GCSAML: variants seen among roughly 807,000 people sequenced by gnomAD.
GCSAML encodes germinal center associated signaling and motility like.
A neutral mutation model predicts 13.0 loss-of-function variants in GCSAML; 9 were observed. The observed-to-expected ratio is 0.69, with a 90% CI of 0.42 to 1.21. GCSAML has a LOEUF of 1.21. GCSAML is among the 50% of genes most tolerant of loss of function. The probability of loss-of-function intolerance (pLI) is 0.00; values close to 1 mark genes in which losing one functional copy is unlikely to be tolerated. For missense variants in GCSAML, 143 were observed against 153.4 expected (o/e 0.93, Z 0.36); for synonymous variants, 37 against 52.9 (o/e 0.70, Z 1.31).
intron 2 of GCSAML, among the ~76,000 whole-genome samples, chr1:247,560,852 T>C (rs941204191): frequency 1.3e-5 from 2 of 152,238 alleles, no homozygotes; most frequent in African/African-American, 4.8e-5. Context: ...TTCCATGCCA[T>C]TTGTTTTTTC....
chr1:247,549,925 C>A (rs1667708736), intron 1 of GCSAML, among the ~76,000 whole-genome samples: 1 of 152,182 alleles, frequency 6.6e-6, no homozygotes, highest in Non-Finnish European at 1.5e-5. Flanking sequence ...TCTCCCAGTC[C>A]CCTTCCAGAC....
chr1:247,558,814 GC>G (rs1262395797), intron 2 of GCSAML, among the ~76,000 whole-genome samples: 1 of 151,968 alleles, frequency 6.6e-6, no homozygotes, highest in Non-Finnish European at 1.5e-5. Flanking sequence ...CTAATATTTT[GC>G]AACTTTTAAT....
intron 1 of GCSAML, among the ~76,000 whole-genome samples, chr1:247,521,490 A>C (rs982034395): frequency 6.6e-6 from 1 of 152,068 alleles, no homozygotes; most frequent in Non-Finnish European, 1.5e-5. Context: ...GCCTGATTCT[A>C]CTGCCTTAGC....
At position 247,576,749 on chromosome 1, in the gene GCSAML, TAG is replaced by T. The variant is rs1307710227; in HGVS notation, c.*2369_*2370del. 1 of 152,046 alleles carries T rather than the reference TAG, an allele frequency of 6.6e-6. No homozygotes were observed. Among genetic ancestry groups the T allele is most frequent in the Non-Finnish European group, 1.5e-5 (1 of 68,012 alleles). The allele number at this position is 152,046 out of a possible 1,614,324, so 9.4% of individuals were successfully genotyped here. A position where few individuals can be genotyped will look rare whatever the true frequency, so the allele number is the denominator to read the frequency against. On this transcript the variant is annotated 3_prime_UTR_variant, in exon 5 of 5. Coordinates refer to ENST00000366488, the MANE Select transcript of GCSAML (RefSeq NM_145278.5). ...ATTTTAATGTGCGGAAGGGAAACAA[TAG>T]AAATTTTGCAATTCTAGAAAAGTCA...
chr1:247,525,128 A>ATG (rs754377893), intron 1 of GCSAML: 3 of 152,244 alleles, frequency 2.0e-5, no homozygotes, highest in Non-Finnish European at 4.4e-5. Flanking sequence ...TAATGTCAAC[A>ATG]TGTTCTATAA....
At chr1:247,544,409 G>A (rs113182843), upstream of GCSAML, among the ~76,000 whole-genome samples, 12 of 152,142 alleles carry the variant, frequency 7.9e-5, no homozygotes, top group African/African-American at 2.9e-4. Context: ...TGCACGTAGG[G>A]AAACACAACT....
At chr1:247,521,423 G>A (rs1666420023) in intron 1 of GCSAML, among the ~76,000 whole-genome samples, 1 of 148,984 alleles carries the variant, frequency 6.7e-6, no homozygotes, top group African/African-American at 2.5e-5. Flanking sequence ...GTCTCCCTCT[G>A]ATGCCGAGCG....
intron 2 of GCSAML, among the ~76,000 whole-genome samples, chr1:247,544,040 T>C (rs1667490037): frequency 6.6e-6 from 1 of 152,144 alleles, no homozygotes; most frequent in South Asian, 2.1e-4. Context: ...CACCAGAGCA[T>C]TGAAAAACAA....
intron 4 of GCSAML, among the ~76,000 whole-genome samples, chr1:247,570,591 GT>G (rs902145786): frequency 2.0e-5 from 3 of 152,208 alleles, no homozygotes; most frequent in African/African-American, 7.2e-5. Context: ...TATGATTTCT[GT>G]TCTTTTGCAT....
intron 4 of GCSAML, among the ~76,000 whole-genome samples, chr1:247,573,811 C>T (rs113394586): frequency 0.019 from 2,920 of 152,258 alleles, 86 homozygotes; most frequent in African/African-American, 0.067. Context: ...TTGCTTCTTC[C>T]TATCCTTGAA....
At chr1:247,551,690 G>T (rs1191609695) in intron 1 of GCSAML, among the ~76,000 whole-genome samples, 1 of 152,184 alleles carries the variant, frequency 6.6e-6, no homozygotes, top group Non-Finnish European at 1.5e-5. Context: ...CAAATTTATT[G>T]ATCATCGTTT....
chr1:247,538,229 T>A (rs533021131), intron 2 of GCSAML, among the ~76,000 whole-genome samples: 1 of 152,356 alleles, frequency 6.6e-6, no homozygotes, highest in Non-Finnish European at 1.5e-5. Flanking sequence ...TGTGTTGAAC[T>A]GGATATATGT....
intron 1 of GCSAML, among the ~76,000 whole-genome samples, chr1:247,522,809 A>G (rs568886907): frequency 3.4e-4 from 51 of 152,176 alleles, no homozygotes; most frequent in African/African-American, 1.1e-3. Context: ...TAGGAAAACC[A>G]GAGACCCTTG....
intron 2 of GCSAML, among the ~76,000 whole-genome samples, chr1:247,534,307 A>G (rs1186121394): frequency 6.6e-6 from 1 of 152,132 alleles, no homozygotes; most frequent in African/African-American, 2.4e-5. Context: ...TAGTCCCTTA[A>G]TCAATATTCA....
upstream of GCSAML, among the ~76,000 whole-genome samples, chr1:247,546,627 C>T (rs1191351648): frequency 6.6e-6 from 1 of 151,862 alleles, no homozygotes; most frequent in South Asian, 2.1e-4. Flanking sequence ...TGCCAAAGTG[C>T]TGGGATGACA....
intron 1 of GCSAML, among the ~76,000 whole-genome samples, chr1:247,512,306 T>A (rs1041141566): frequency 6.6e-6 from 1 of 151,894 alleles, no homozygotes; most frequent in Non-Finnish European, 1.5e-5. Flanking sequence ...ATTCGGCTAC[T>A]GATACTTGTG....
intron 2 of GCSAML, among the ~76,000 whole-genome samples, chr1:247,541,864 G>C (rs937294114): frequency 5.9e-5 from 9 of 151,918 alleles, no homozygotes; most frequent in Non-Finnish European, 1.0e-4. Context: ...ACAAAAATTA[G>C]CCAGGCATGG....
chr1:247,566,834 A>G (rs1668393213), intron 4 of GCSAML, among the ~76,000 whole-genome samples: 1 of 151,956 alleles, frequency 6.6e-6, no homozygotes, highest in African/African-American at 2.4e-5. Context: ...GAAAATGTGC[A>G]TAAACTCAAT....
At chr1:247,561,999 C>A (rs1668149510) in intron 2 of GCSAML, among the ~76,000 whole-genome samples, 1 of 152,098 alleles carries the variant, frequency 6.6e-6, no homozygotes, top group African/African-American at 2.4e-5. Flanking sequence ...CTGTCCTCTT[C>A]AATGGCTTAC....
Sources: gnomAD v4.1 joint callset for allele counts (sites outside exome capture counted in the v4.1 genomes callset) on GRCh38, gnomAD v4.1.1 for gene constraint, MANE v1.5 for transcripts, NCBI Gene and HGNC (gene_info 2026-07-23, HGNC 2026-07-21) for gene names.